Variants in ADGRG2 observed in about 807,000 individuals in gnomAD.
The protein encoded by ADGRG2 is G protein-coupled receptor 64.
Under a neutral mutation model 74.1 loss-of-function variants are expected in ADGRG2, and 26 were observed. The observed-to-expected ratio is 0.35, with a 90% CI of 0.26 to 0.49. ADGRG2 has a LOEUF of 0.49. ADGRG2 is among the 20% of genes least tolerant of loss of function. The pLI, the probability that ADGRG2 is intolerant of heterozygous loss-of-function variation, is 0.99. For synonymous variants in ADGRG2, 296 were observed against 295.2 expected, an observed-to-expected ratio of 1.00 and a Z score of -0.03; for missense variants, 619 against 763.1, an observed-to-expected ratio of 0.81 and a Z score of 2.22.
At chrX:19,106,816 A>G (rs1204870634) in intron 1 of ADGRG2, among the ~76,000 whole-genome samples, 1 of 109,315 alleles carries the variant, frequency 9.1e-6, no homozygotes, top group Non-Finnish European at 1.9e-5. Flanking sequence ...GCTACTCGGG[A>G]GGCTGAGGCA....
At chrX:19,029,029 T>A (rs1045615721) in intron 9 of ADGRG2, among the ~76,000 whole-genome samples, 3 of 111,948 alleles carry the variant, frequency 2.7e-5, no homozygotes, top group African/African-American at 9.7e-5. Context: ...ATATTTGGAC[T>A]ATGGCTGGTA....
intron 3 of ADGRG2, among the ~76,000 whole-genome samples, chrX:19,045,958 C>T (rs1408537052): frequency 1.8e-5 from 2 of 112,231 alleles, no homozygotes; most frequent in Admixed American, 9.4e-5. Flanking sequence ...AATCATAGCT[C>T]ACTGCAGCCT....
At chrX:19,066,070 A>G (rs2061563598) in intron 3 of ADGRG2, among the ~76,000 whole-genome samples, 1 of 111,529 alleles carries the variant, frequency 9.0e-6, no homozygotes, top group South Asian at 3.7e-4. Context: ...CTGGTCTCAA[A>G]CTCCTGACCT....
intron 2 of ADGRG2, among the ~76,000 whole-genome samples, chrX:19,080,178 G>A (rs764280524): frequency 9.1e-6 from 1 of 109,834 alleles, no homozygotes; most frequent in East Asian, 2.9e-4. Context: ...CCAAAGTGCT[G>A]GGATTCTAGA....
chrX:19,061,244 G>A (rs1305650529), intron 3 of ADGRG2, among the ~76,000 whole-genome samples: 1 of 111,595 alleles, frequency 9.0e-6, no homozygotes, highest in Non-Finnish European at 1.9e-5. Flanking sequence ...AGCTGAGGGG[G>A]GGCCCACTTT....
intron 3 of ADGRG2, among the ~76,000 whole-genome samples, chrX:19,051,062 C>T (rs190910437): frequency 5.4e-4 from 60 of 111,979 alleles, no homozygotes; most frequent in African/African-American, 1.9e-3. Flanking sequence ...TTCCATGTCG[C>T]ACATGGTGCC....
In ADGRG2 at chrX:19,117,530, T is replaced by C. The variant is rs754753380; in HGVS notation, c.-47+4912A>G. ...TAGGTTCTTCATCATCTAAATAAAATGAATTACCAGGCGCAGTGGCTCATG... is the reference window on the plus strand; with the variant it reads ...TAGGTTCTTCATCATCTAAATAAAACGAATTACCAGGCGCAGTGGCTCATG... On this transcript the variant is annotated intron_variant, in intron 1 of 28. Coordinates refer to ENST00000379869, the MANE Select transcript of ADGRG2 (RefSeq NM_001079858.3). Among the ~76,000 whole-genome samples, 3 of 110,158 alleles carry C rather than the reference T, an allele frequency of 2.7e-5. No individual in the cohort carries two copies. In the South Asian group the frequency reaches 1.2e-3, roughly 43 times the overall value.
At chrX:19,084,256 T>C (rs891762656) in intron 1 of ADGRG2, among the ~76,000 whole-genome samples, 2 of 106,268 alleles carry the variant, frequency 1.9e-5, no homozygotes, top group African/African-American at 6.9e-5. Flanking sequence ...GACACACTTA[T>C]AAGTGTGTCC....
intron 15 of ADGRG2, among the ~76,000 whole-genome samples, chrX:19,016,475 C>T (rs2060470880): frequency 9.0e-6 from 1 of 111,371 alleles, no homozygotes; most frequent in Non-Finnish European, 1.9e-5. Context: ...CCACATCCTA[C>T]ACCAGTCTCT....
At chrX:19,099,045 G>A (rs373447341) in intron 1 of ADGRG2, among the ~76,000 whole-genome samples, 13 of 111,780 alleles carry the variant, frequency 1.2e-4, no homozygotes, top group East Asian at 2.8e-4. Flanking sequence ...TTAGCCAGGC[G>A]TGGTAGCAGG....
chrX:19,063,566 C>T lies in ADGRG2; in HGVS notation c.118+5151G>A, dbSNP rs778503681. Among the ~76,000 whole-genome samples the T allele has an allele frequency of 3.5e-3, 393 of 112,496 alleles. 6 individuals carry two copies. Among genetic ancestry groups the T allele is most frequent in the African/African-American group, 0.01 (316 of 31,006 alleles). On this transcript the variant is annotated intron_variant, in intron 3 of 28. Coordinates refer to ENST00000379869, the MANE Select transcript of ADGRG2 (RefSeq NM_001079858.3). Reference sequence around the variant, plus strand: ...TGTAAGGATTAAATGAGATAATGTGCGTAAAGCACCTGGAAGAGTGGCCCT... The same window carrying T: ...TGTAAGGATTAAATGAGATAATGTGTGTAAAGCACCTGGAAGAGTGGCCCT...
At chrX:19,072,594 C>T (rs1485876143) in intron 2 of ADGRG2, among the ~76,000 whole-genome samples, 1 of 111,302 alleles carries the variant, frequency 9.0e-6, no homozygotes, top group African/African-American at 3.3e-5. Flanking sequence ...TAACTGAGAC[C>T]TCTGATCAAA....
chrX:18,993,572 T>C (rs761939738), intron 28 of ADGRG2, among the ~76,000 whole-genome samples: 29 of 105,957 alleles, frequency 2.7e-4, no homozygotes, highest in African/African-American at 8.7e-4. Context: ...TCCCAGCTAC[T>C]CGGGTGGCTG....
chrX:18,999,897 G>T lies in ADGRG2; in HGVS notation c.2294C>A (p.Ser765Tyr), dbSNP rs771709337. 1 of 1,197,481 alleles carries T rather than the reference G, an allele frequency of 8.4e-7. No homozygotes were observed. The highest frequency in any genetic ancestry group is 2.2e-5 in the Admixed American group (1 of 45,955). The change falls in exon 25 of 29, where the codon TCC (serine) becomes TAC (tyrosine). Residue 765 changes from serine to tyrosine, a missense_variant. By Grantham distance (144) the Ser-to-Tyr change is moderately radical (BLOSUM62 -2). This residue lies in a region of ADGRG2 where 221 missense variants were observed against 340.6 expected (regional missense o/e 0.65). Coordinates refer to ENST00000379869, the MANE Select transcript of ADGRG2 (RefSeq NM_001079858.3). Reference protein sequence around the residue: ...TISPDNYGLGSYGKFPNGSPD... With the variant: ...TISPDNYGLGYYGKFPNGSPD... ...TGAACCATTGGGGAATTTCCCATAG[G>T]ATCCAAGCCCATAGTTATCTGGGGA...
chrX:18,996,980 T>C (rs1440560674), intron 26 of ADGRG2, among the ~76,000 whole-genome samples: 1 of 111,689 alleles, frequency 9.0e-6, no homozygotes, highest in Non-Finnish European at 1.9e-5. Context: ...CTCAGCACTT[T>C]AGGAGGGTGA....
At chrX:19,061,017 C>G (rs2061482517) in intron 3 of ADGRG2, among the ~76,000 whole-genome samples, 1 of 111,817 alleles carries the variant, frequency 8.9e-6, no homozygotes, top group African/African-American at 3.3e-5. Context: ...AAGATGGTCC[C>G]TACTGGCTGA....
In ADGRG2 at chrX:19,122,446, C is replaced by G. The variant is rs974347267; in HGVS notation, c.-51G>C. On this transcript the variant is annotated 5_prime_UTR_variant, in exon 1 of 29. Transcript: ENST00000379869. ...GTCCTGGCGCCGAGCGCTTACCTGCCGCTCGCGTCCTCGGGGCTGGCTGCT... is the reference window on the plus strand; with the variant it reads ...GTCCTGGCGCCGAGCGCTTACCTGCGGCTCGCGTCCTCGGGGCTGGCTGCT... 1.8e-4 allele frequency: 20 copies of G among 111,799 alleles called. No homozygotes were observed. Among genetic ancestry groups the G allele is most frequent in the African/African-American group, 5.2e-4 (16 of 31,051 alleles). The allele number at this position is 111,799 out of a possible 1,213,427, so 9.2% of individuals were successfully genotyped here.
chrX:19,042,118 G>T (rs1453705458), intron 3 of ADGRG2, among the ~76,000 whole-genome samples: 1 of 111,403 alleles, frequency 9.0e-6, no homozygotes, highest in African/African-American at 3.3e-5. Context: ...AGCCTGAAAG[G>T]GTTAATTGAA....
intron 27 of ADGRG2, among the ~76,000 whole-genome samples, chrX:18,995,458 C>T (rs2060001429): frequency 9.0e-6 from 1 of 111,212 alleles, no homozygotes; most frequent in East Asian, 2.8e-4. Flanking sequence ...TCCCGTGTCG[C>T]CCAGATACTG....
Sources: gnomAD v4.1 joint callset for allele counts (sites outside exome capture counted in the v4.1 genomes callset) on GRCh38, gnomAD v4.1.1 for gene constraint, gnomAD v4.1.1 regional missense constraint, MANE v1.5 for transcripts, NCBI Gene and HGNC (gene_info 2026-07-23, HGNC 2026-07-21) for gene names.